PCDH11X: variants seen among roughly 807,000 people sequenced by gnomAD.
PCDH11X encodes protocadherin 11 X-linked, also known as protocadherin-11 X-linked.
A neutral mutation model predicts 53.3 loss-of-function variants in PCDH11X; 18 were observed. That is an observed-to-expected ratio of 0.34 (90% CI 0.23 to 0.50). PCDH11X has a LOEUF of 0.50. Ranked by LOEUF, PCDH11X falls within the 20% of genes least tolerant of loss-of-function variation. PCDH11X has a pLI of 0.98. For missense variants in PCDH11X, 570 were observed against 1,032.4 expected, an observed-to-expected ratio of 0.55 and a Z score of 6.14; for synonymous variants, 279 against 393.3, an observed-to-expected ratio of 0.71 and a Z score of 3.44.
At chrX:92,329,954 A>G (rs1177266038) in intron 8 of PCDH11X, among the ~76,000 whole-genome samples, 6 of 111,134 alleles carry the variant, frequency 5.4e-5, no homozygotes, top group African/African-American at 2.0e-4. Flanking sequence ...AATTTATTGC[A>G]CATTTACAAA....
intron 8 of PCDH11X, among the ~76,000 whole-genome samples, chrX:92,294,420 G>T (rs867138707): frequency 8.9e-6 from 1 of 112,031 alleles, no homozygotes; most frequent in South Asian, 3.7e-4. Context: ...TGGGATTACA[G>T]GCTGTGAGCC....
At chrX:92,560,459 C>T (rs2075115710) in intron 10 of PCDH11X, among the ~76,000 whole-genome samples, 1 of 110,335 alleles carries the variant, frequency 9.1e-6, no homozygotes, top group Middle Eastern at 4.7e-3. Flanking sequence ...TCTACCAGCT[C>T]ATCCACAGCA....
chrX:92,441,543 G>A (rs1228433531), intron 9 of PCDH11X, among the ~76,000 whole-genome samples: 1 of 112,292 alleles, frequency 8.9e-6, no homozygotes, highest in Admixed American at 9.4e-5. Flanking sequence ...GCTTCAGAGG[G>A]TGCAATCCCC....
intron 6 of PCDH11X, among the ~76,000 whole-genome samples, chrX:92,163,190 C>T (rs770906568): frequency 1.1e-3 from 124 of 110,036 alleles, no homozygotes; most frequent in African/African-American, 3.8e-3. Flanking sequence ...CCGTGCCCCC[C>T]GCCAAAACAG....
intron 4 of PCDH11X, among the ~76,000 whole-genome samples, chrX:91,815,158 A>G (rs2563673): frequency 0.12 from 13,339 of 111,036 alleles, 2,069 homozygotes; most frequent in African/African-American, 0.42. Context: ...AAACAAGACC[A>G]TCTAACTCCA....
Position 92,098,175 on chromosome X carries a change from AT to A in PCDH11X, c.3034-103194del, listed in dbSNP as rs2148129672. On this transcript the variant is annotated intron_variant, in intron 6 of 10. Coordinates refer to ENST00000682573, the MANE Select transcript of PCDH11X (RefSeq NM_032968.5). ...ATTGATCCTAGGGATTTATTATTTT[AT>A]TTTTTCTTCTTGCACCAGTGTTTCC... 1.8e-5 allele frequency among the ~76,000 whole-genome samples: 2 copies of A among 110,529 alleles called. 1 individual carries two copies. The highest frequency in any genetic ancestry group is 7.6e-4 in the South Asian group (2 of 2,622).
chrX:92,441,676 G>A (rs1003611175), intron 9 of PCDH11X, among the ~76,000 whole-genome samples: 5 of 112,543 alleles, frequency 4.4e-5, no homozygotes, highest in Admixed American at 3.7e-4. Context: ...CCAGGCAGAA[G>A]TTTGCTGCAG....
chrX:92,011,799 A>G (rs1189722707), intron 6 of PCDH11X, among the ~76,000 whole-genome samples: 2 of 111,109 alleles, frequency 1.8e-5, no homozygotes, highest in Non-Finnish European at 3.8e-5. Flanking sequence ...AATCAGCATT[A>G]CAAGAGATCC....
intron 8 of PCDH11X, among the ~76,000 whole-genome samples, chrX:92,268,511 G>T (rs2067882503): frequency 9.0e-6 from 1 of 110,766 alleles, no homozygotes; most frequent in Non-Finnish European, 1.9e-5. Context: ...CAGGCTGGGT[G>T]TAATTAGTAT....
At chrX:92,029,338 C>T (rs2063012058) in intron 6 of PCDH11X, among the ~76,000 whole-genome samples, 1 of 111,520 alleles carries the variant, frequency 9.0e-6, no homozygotes, top group Non-Finnish European at 1.9e-5. Flanking sequence ...ATCCTTCTCC[C>T]ATTACTGTTA....
At chrX:92,273,376 C>A (rs982306746) in intron 8 of PCDH11X, among the ~76,000 whole-genome samples, 17 of 111,106 alleles carry the variant, frequency 1.5e-4, no homozygotes, top group African/African-American at 5.2e-4. Context: ...GAACAAATCA[C>A]AATGGTGGAA....
At chrX:92,095,852 T>G (rs2148125851) in intron 6 of PCDH11X, among the ~76,000 whole-genome samples, 1 of 112,025 alleles carries the variant, frequency 8.9e-6, no homozygotes, top group East Asian at 2.8e-4. Context: ...TAGAAAAATC[T>G]TAGAGAAGTT....
intron 6 of PCDH11X, among the ~76,000 whole-genome samples, chrX:91,971,321 T>G (rs2061957083): frequency 9.2e-6 from 1 of 109,061 alleles, no homozygotes; most frequent in Non-Finnish European, 1.9e-5. Flanking sequence ...CAGGGCATCT[T>G]GGTGTTTTAG....
At chrX:92,101,459 C>T (rs1180504126) in intron 6 of PCDH11X, among the ~76,000 whole-genome samples, 2 of 111,475 alleles carry the variant, frequency 1.8e-5, no homozygotes, top group African/African-American at 6.5e-5. Context: ...TTTTAAAAGA[C>T]CTTAGTCCAT....
At chrX:91,901,322 A>G (rs1366209673) in intron 6 of PCDH11X, among the ~76,000 whole-genome samples, 2 of 110,640 alleles carry the variant, frequency 1.8e-5, no homozygotes, top group Non-Finnish European at 3.8e-5. Flanking sequence ...TGAGTTTCAG[A>G]GTTTCAGCAA....
intron 9 of PCDH11X, among the ~76,000 whole-genome samples, chrX:92,407,604 A>G (rs1425719026): frequency 1.8e-5 from 2 of 109,985 alleles, no homozygotes; most frequent in Admixed American, 9.8e-5. Flanking sequence ...TCATAAATGT[A>G]GCTGATTTTT....
intron 6 of PCDH11X, among the ~76,000 whole-genome samples, chrX:92,197,809 T>C (rs1195449376): frequency 3.6e-5 from 4 of 111,942 alleles, no homozygotes; most frequent in Non-Finnish European, 7.5e-5. Flanking sequence ...TAATGTCACA[T>C]ATTTGCAAAT....
rs764864460 is a variant in PCDH11X, at chrX:91,948,917, G to A, written c.3033+69644G>A. Among the ~76,000 whole-genome samples the A allele has an allele frequency of 5.4e-5, 6 of 111,060 alleles. No individual in the cohort carries two copies. In the South Asian group the frequency reaches 2.3e-3, roughly 42 times the overall value. ...AGGTGAGGATAAGGACAGACACCAA[G>A]GATGGGGGACTTTCTTTAAACTAAT... On this transcript the variant is annotated intron_variant, in intron 6 of 10. Transcript: ENST00000682573.
chrX:92,237,249 T>C (rs1436069800), intron 7 of PCDH11X, among the ~76,000 whole-genome samples: 1 of 111,251 alleles, frequency 9.0e-6, no homozygotes, highest in East Asian at 2.8e-4. Context: ...TTACAGAAAA[T>C]GAAATCCATA....
Sources: allele counts gnomAD v4.1 joint callset (sites outside exome capture counted in the v4.1 genomes callset), GRCh38; gene constraint gnomAD v4.1.1; transcripts MANE v1.5; gene names NCBI Gene and HGNC (gene_info 2026-07-23, HGNC 2026-07-21).